LEPR: variants seen among roughly 807,000 people sequenced by gnomAD.
LEPR encodes the protein leptin receptor.
Under a neutral mutation model 114.7 loss-of-function variants are expected in LEPR, and 56 were observed. The ratio of observed to expected loss-of-function variants is 0.49; its 90% CI spans 0.39 to 0.61. The LOEUF (loss-of-function observed/expected upper bound fraction) is 0.61, where lower values mean the gene tolerates loss of function less well. LEPR is among the 20% of genes least tolerant of loss of function. The pLI, the probability that LEPR is intolerant of heterozygous loss-of-function variation, is 0.00. For synonymous variants in LEPR, 443 were observed against 461.4 expected (o/e 0.96, Z 0.51); for missense variants, 1,202 against 1,352.9 (o/e 0.89, Z 1.75).
Position 65,613,770 on chromosome 1 carries a change from A to AG in LEPR, c.1996-2238_1996-2237insG, listed in dbSNP as rs1557696644. ...GCGAGACTCCGTCTCAAAAAAAAAA[A>AG]AAAAAAAAAAAACCAAGTATCTGAA... On this transcript the variant is annotated intron_variant, in intron 14 of 19. Transcript: ENST00000349533. Among the ~76,000 whole-genome samples, 252 of 150,254 alleles carry AG rather than the reference A, an allele frequency of 1.7e-3. 5 individuals carry two copies. The highest frequency in any genetic ancestry group is 5.9e-3 in the African/African-American group (240 of 40,860).
At chr1:65,535,786 CT>C (rs1650731292) in intron 2 of LEPR, among the ~76,000 whole-genome samples, 1 of 152,088 alleles carries the variant, frequency 6.6e-6, no homozygotes, top group Non-Finnish European at 1.5e-5. Context: ...TGCAGGAGTT[CT>C]TATTGGCATT....
chr1:65,480,267 C>T (rs75340391), intron 2 of LEPR, among the ~76,000 whole-genome samples: 326 of 152,170 alleles, frequency 2.1e-3, no homozygotes, highest in Non-Finnish European at 3.5e-3. Flanking sequence ...AAAACCGTAT[C>T]GAGATGGTTT....
chr1:65,450,030 T>G (rs946130153), intron 2 of LEPR, among the ~76,000 whole-genome samples: 1 of 152,208 alleles, frequency 6.6e-6, no homozygotes, highest in Non-Finnish European at 1.5e-5. Context: ...TTTTGAAGTG[T>G]GTTGTTTAAT....
intron 2 of LEPR, among the ~76,000 whole-genome samples, chr1:65,513,678 C>A (rs1649145591): frequency 6.6e-6 from 1 of 152,174 alleles, no homozygotes; most frequent in Admixed American, 6.5e-5. Context: ...TCAGGATTGT[C>A]AGAAATGTTG....
intron 2 of LEPR, among the ~76,000 whole-genome samples, chr1:65,496,131 T>C (rs1163593791): frequency 6.6e-6 from 1 of 152,212 alleles, no homozygotes; most frequent in African/African-American, 2.4e-5. Flanking sequence ...TTACACATTG[T>C]ATATACTTGT....
chr1:65,440,000 CAAAAAAAA>C (rs550347312), intron 2 of LEPR, among the ~76,000 whole-genome samples: 663 of 58,154 alleles, frequency 0.011, 9 homozygotes, highest in African/African-American at 0.049. Context: ...GATTCTGTCT[CAAAAAAAA>C]AAAAAAAAAA....
At chr1:65,475,006 CA>C (rs1325552861) in intron 2 of LEPR, among the ~76,000 whole-genome samples, 2,341 of 23,836 alleles carry the variant, frequency 0.098, 7 homozygotes, top group African/African-American at 0.13. Flanking sequence ...GACTCCATCT[CA>C]AAAAAAAAAA....
At chr1:65,573,461 G>A (rs746341292) in intron 5 of LEPR, among the ~76,000 whole-genome samples, 1 of 152,116 alleles carries the variant, frequency 6.6e-6, no homozygotes, top group Non-Finnish European at 1.5e-5. Flanking sequence ...AATATGGGTG[G>A]CTAATATTTG....
chr1:65,516,592 A>C (rs1437406035), intron 2 of LEPR, among the ~76,000 whole-genome samples: 1 of 152,236 alleles, frequency 6.6e-6, no homozygotes, highest in Non-Finnish European at 1.5e-5. Context: ...AGTGACCCCC[A>C]AAATTAAACA....
At chr1:65,545,442 A>G (rs1651618473) in intron 2 of LEPR, among the ~76,000 whole-genome samples, 1 of 151,118 alleles carries the variant, frequency 6.6e-6, no homozygotes, top group Admixed American at 6.6e-5. Context: ...AAGTGTTCCT[A>G]TTTCTCCACA....
rs1278061595 is a variant in LEPR, at chr1:65,636,704, T to C, written c.3187T>C (p.Leu1063=). The part of the protein sequence containing the change: ...FSEGLDELLK[L]EGNFPEENND... ...AGAAGGATTGGATGAACTTTTGAAA[T>C]TGGAGGGAAATTTCCCTGAAGAAAA... is the stretch of plus-strand genomic sequence containing the variant. The change falls in exon 20 of 20, where the codon TTG becomes CTG. Residue 1063 remains leucine, a synonymous_variant. Transcript: ENST00000349533. The C allele has an allele frequency of 6.2e-7, 1 of 1,608,602 alleles. No homozygotes were observed. The highest frequency in any genetic ancestry group is 8.5e-7 in the Non-Finnish European group (1 of 1,177,082).
chr1:65,438,332 A>G (rs560909667), intron 2 of LEPR, among the ~76,000 whole-genome samples: 2 of 151,910 alleles, frequency 1.3e-5, no homozygotes, highest in African/African-American at 4.8e-5. Flanking sequence ...TGGGCAGATT[A>G]CGAGGTCAAG....
chr1:65,512,805 T>C (rs1319399572), intron 2 of LEPR, among the ~76,000 whole-genome samples: 1 of 152,206 alleles, frequency 6.6e-6, no homozygotes, highest in Non-Finnish European at 1.5e-5. Context: ...GCTGAGTTTC[T>C]ATCATCTAGT....
intron 2 of LEPR, among the ~76,000 whole-genome samples, chr1:65,428,364 C>G (rs913471179): frequency 1.3e-5 from 2 of 152,172 alleles, no homozygotes; most frequent in African/African-American, 4.8e-5. Context: ...TGTAAGGTGA[C>G]ATATCTATTC....
chr1:65,539,507 A>C, intron 2 of LEPR, among the ~76,000 whole-genome samples: 1 of 152,216 alleles, frequency 6.6e-6, no homozygotes. Context: ...CCTGTTGCCT[A>C]AATGTCAGGG....
chr1:65,490,845 A>G (rs1647828780), intron 2 of LEPR, among the ~76,000 whole-genome samples: 1 of 152,088 alleles, frequency 6.6e-6, no homozygotes. Context: ...GTATCTTCCA[A>G]GCTCCTTCCT....
chr1:65,523,249 G>C (rs542495786), intron 2 of LEPR, among the ~76,000 whole-genome samples: 40 of 152,262 alleles, frequency 2.6e-4, no homozygotes, highest in African/African-American at 9.1e-4. Flanking sequence ...CTTTGTACTT[G>C]TTTCCTACAG....
intron 2 of LEPR, among the ~76,000 whole-genome samples, chr1:65,471,094 G>A (rs1390481467): frequency 6.6e-6 from 1 of 152,152 alleles, no homozygotes; most frequent in East Asian, 1.9e-4. Context: ...GGCTTAAACA[G>A]TTACTTATGT....
chr1:65,558,513 TTTTGAATCAGAAGTTTTTTTTTTTG>T (rs1557661956), intron 2 of LEPR, among the ~76,000 whole-genome samples: 2 of 113,860 alleles, frequency 1.8e-5, no homozygotes, highest in Non-Finnish European at 3.7e-5. Flanking sequence ...TTTTTTTTTT[TTTTGAATCAGAAGTTTTTTTTTTTG>T]TTTTTTTTTT....
Sources: gnomAD v4.1 joint callset for allele counts (sites outside exome capture counted in the v4.1 genomes callset) on GRCh38, gnomAD v4.1.1 for gene constraint, MANE v1.5 for transcripts, NCBI Gene and HGNC (gene_info 2026-07-23, HGNC 2026-07-21) for gene names.